PMPCB: variants seen among roughly 807,000 people sequenced by gnomAD.
The protein encoded by PMPCB is mitochondrial-processing peptidase subunit beta.
In PMPCB, 46 loss-of-function variants were observed where a neutral mutation model predicts 61.5. That is an observed-to-expected ratio of 0.75 (90% CI 0.59 to 0.96). The LOEUF (loss-of-function observed/expected upper bound fraction) is 0.96, where lower values mean the gene tolerates loss of function less well. Ranked by LOEUF, PMPCB falls within the 40% of genes least tolerant of loss-of-function variation. The pLI, the probability that PMPCB is intolerant of heterozygous loss-of-function variation, is 0.00. For synonymous variants in PMPCB, 191 were observed against 201.6 expected (o/e 0.95, Z 0.44); for missense variants, 590 against 602.4 (o/e 0.98, Z 0.22).
downstream of PMPCB, among the ~76,000 whole-genome samples, chr7:103,331,683 C>T (rs571552463): frequency 2.0e-5 from 3 of 152,284 alleles, no homozygotes; most frequent in South Asian, 4.1e-4. Context: ...TTTCTGCAGA[C>T]GTTTCATTCT....
At position 103,308,304 on chromosome 7, in the gene PMPCB, G is replaced by A. The variant is rs775428286; in HGVS notation, c.849+596G>A. Among the ~76,000 whole-genome samples, 109 of 152,162 alleles carry A rather than the reference G, an allele frequency of 7.2e-4. 1 individual carries two copies. Among genetic ancestry groups the A allele is most frequent in the Non-Finnish European group, 1.9e-4 (13 of 68,034 alleles). On this transcript the variant is annotated intron_variant, in intron 7 of 12. Transcript: ENST00000249269. ...GGCAGTACAAAAATAAACCTGTAACGTCAATATGACATTTCAATAGAAAAG... is the reference window on the plus strand; with the variant it reads ...GGCAGTACAAAAATAAACCTGTAACATCAATATGACATTTCAATAGAAAAG...
At chr7:103,341,498 C>G in the PMPCB span, among the ~76,000 whole-genome samples, 6 of 152,198 alleles carry the variant, frequency 3.9e-5, no homozygotes, top group African/African-American at 1.4e-4. Context: ...ATACTTTTCT[C>G]ACTTCTCTGC....
At chr7:103,311,312 A>G (rs1048285943) in intron 9 of PMPCB, 3 of 262,952 alleles carry the variant, frequency 1.1e-5, no homozygotes, top group Non-Finnish European at 2.1e-5. Flanking sequence ...GTTTTCAGAA[A>G]CCAATGAATG....
At chr7:103,333,617 G>A (rs1006451179), downstream of PMPCB, among the ~76,000 whole-genome samples, 13 of 152,138 alleles carry the variant, frequency 8.5e-5, no homozygotes, top group East Asian at 1.9e-4. Context: ...AATATAGGCC[G>A]TTTCCATCAT....
chr7:103,309,155 T>C (rs1428272839), intron 8 of PMPCB, 60 bp downstream of exon 8: 1 of 1,360,484 alleles, frequency 7.4e-7, no homozygotes, highest in Admixed American at 2.3e-5. Flanking sequence ...TTTTCTTAAA[T>C]ATAAGTTCTT....
chr7:103,312,129 T>C lies in PMPCB; in HGVS notation c.1403T>C (p.Val468Ala), dbSNP rs1346349614. The C allele has an allele frequency of 6.2e-7, 1 of 1,614,074 alleles. No homozygotes were observed. Among genetic ancestry groups the C allele is most frequent in the South Asian group, 1.1e-5 (1 of 91,082 alleles). The stretch of plus-strand genomic sequence containing the variant: ...AATAGGAGTCCAGCTATTGCTGCTG[T>C]TGGTAAGCCTGGCTTCTTTTCTTCT... ...IYNRSPAIAA[V>A]GPIKQLPDFK... The change falls in exon 12 of 13, where the codon GTT (valine) becomes GCT (alanine). Residue 468 changes from valine (V) to alanine (A), a missense_variant and splice_region_variant. Transcript: ENST00000249269.
At chr7:103,327,359 A>G (rs756812648) in intron 12 of PMPCB, 2 of 1,283,428 alleles carry the variant, frequency 1.6e-6, no homozygotes, top group South Asian at 2.5e-5. Flanking sequence ...TGAGCTTCTG[A>G]TAAGAATCAC....
At chr7:103,338,281 T>G in the PMPCB span, among the ~76,000 whole-genome samples, 2 of 150,786 alleles carry the variant, frequency 1.3e-5, no homozygotes, top group Non-Finnish European at 1.5e-5. Context: ...TTTTTTTTTT[T>G]TTTAATGATT....
intron 2 of PMPCB, among the ~76,000 whole-genome samples, 167 bp downstream of exon 2, chr7:103,298,875 T>C (rs1407183390): frequency 1.3e-5 from 2 of 152,260 alleles, no homozygotes; most frequent in African/African-American, 4.8e-5. Context: ...TGGTACTTAG[T>C]TACAGGGTGC....
rs1586049597 is a variant in PMPCB at position 103,310,334 on chromosome 7, C to T, written c.1013C>T (p.Ala338Val). The T allele has an allele frequency of 6.2e-7, 1 of 1,613,088 alleles. No homozygotes were observed. The highest frequency in any genetic ancestry group is 8.5e-7 in the Non-Finnish European group (1 of 1,179,528). The change falls in exon 9 of 13, where the codon GCC becomes GTC. Residue 338 changes from alanine (A) to valine (V), a missense_variant. Physicochemically the swap from Ala to Val is moderately conservative, Grantham distance 64. Transcript: ENST00000249269. ...GGGMNLSSKL[A>V]QLTCHGNLCH... ...TTGCAGAATTTATCTAGCAAGCTGG[C>T]CCAGCTCACTTGTCATGGCAATCTT...
chr7:103,308,838 C>A, intron 7 of PMPCB, 114 bp from the exon 8 acceptor site: 1 of 708,978 alleles, frequency 1.4e-6, no homozygotes. Context: ...AAAATAGAGT[C>A]CTGGTGTGCA....
chr7:103,319,465 TAAAAC>T, downstream of PMPCB: 1 of 892,768 alleles, frequency 1.1e-6, no homozygotes, highest in South Asian at 1.7e-5. Flanking sequence ...ACCGAACACA[TAAAAC>T]AACAACAACA....
chr7:103,335,962 GT>G, the PMPCB span: 4 of 152,276 alleles, frequency 2.6e-5, no homozygotes, highest in Non-Finnish European at 5.9e-5. Flanking sequence ...GAGGTCGGGA[GT>G]TCGAGACCAG....
At chr7:103,305,281 CAGA>C (rs1420450312) in intron 6 of PMPCB, among the ~76,000 whole-genome samples, 1 of 151,968 alleles carries the variant, frequency 6.6e-6, no homozygotes, top group African/African-American at 2.4e-5. Context: ...CAGGTGACTT[CAGA>C]AGGTTTCCTT....
chr7:103,312,403 C>T lies in PMPCB; in HGVS notation c.*132C>T. ...ATCATACTTTCAAAGGATAAAAAGA[C>T]TACCCCTCTGAAGGTTGTTTTGTAT... On this transcript the variant is annotated 3_prime_UTR_variant, in exon 13 of 13. Coordinates refer to ENST00000249269, the MANE Select transcript of PMPCB (RefSeq NM_004279.3). 6.6e-7 allele frequency: 1 copy of T among 1,513,326 alleles called. No homozygotes were observed. The highest frequency in any genetic ancestry group is 8.8e-7 in the Non-Finnish European group (1 of 1,140,040). The allele number at this position is 1,513,326 out of a possible 1,614,324, so 93.7% of individuals were successfully genotyped here. A position where few individuals can be genotyped will look rare whatever the true frequency, so the allele number is the denominator to read the frequency against.
intron 12 of PMPCB, among the ~76,000 whole-genome samples, chr7:103,325,832 T>C (rs1586089932): frequency 6.6e-6 from 1 of 152,354 alleles, no homozygotes; most frequent in East Asian, 1.9e-4. Flanking sequence ...AGAAGCCTTA[T>C]GATAATCAGA....
At position 103,323,482 on chromosome 7, in the gene PMPCB, A is replaced by T. The variant is rs1818532507; in HGVS notation, c.*1432-5449A>T. 18 of 1,100,872 alleles carry T rather than the reference A, an allele frequency of 1.6e-5. 1 individual carries two copies. Among genetic ancestry groups the T allele is most frequent in the Non-Finnish European group, 1.7e-5 (14 of 814,240 alleles). 68.2% of individuals were successfully genotyped at this position (1,100,872 alleles called of 1,614,324 possible). A position where few individuals can be genotyped will look rare whatever the true frequency, so the allele number is the denominator to read the frequency against. The stretch of plus-strand genomic sequence containing the variant: ...ATTTCAAAATATTAAAAAATTGTTT[A>T]AAAAAGATGTACAAAGAGAAAATAT... On this transcript the variant is annotated intron_variant and NMD_transcript_variant, in intron 12 of 12. Coordinates refer to the PMPCB transcript ENST00000444457.
chr7:103,312,197 T>A lies in PMPCB; in HGVS notation c.1406-10T>A. On this transcript the variant is annotated splice_polypyrimidine_tract_variant and intron_variant, in intron 12 of 12. Coordinates refer to ENST00000249269, the MANE Select transcript of PMPCB (RefSeq NM_004279.3). Reference sequence around the variant, plus strand: ...AGTACTTTTAATTAACTCTTCTTTTTAATCCTTAGGTCCCATTAAGCAACT... The same window carrying A: ...AGTACTTTTAATTAACTCTTCTTTTAAATCCTTAGGTCCCATTAAGCAACT... 6.2e-7 allele frequency: 1 copy of A among 1,613,926 alleles called. No homozygotes were observed. Among genetic ancestry groups the A allele is most frequent in the Non-Finnish European group, 8.5e-7 (1 of 1,179,946 alleles).
At chr7:103,304,345 G>A (rs917829814) in intron 5 of PMPCB, 66 bp from the exon 6 acceptor site, 5 of 902,490 alleles carry the variant, frequency 5.5e-6, no homozygotes, top group South Asian at 1.4e-5. Context: ...TTTGATTTCA[G>A]GTATATTATG....
Sources: allele counts gnomAD v4.1 joint callset (sites outside exome capture counted in the v4.1 genomes callset), GRCh38; gene constraint gnomAD v4.1.1; transcripts MANE v1.5; gene names NCBI Gene and HGNC (gene_info 2026-07-23, HGNC 2026-07-21).